Variants in TUT4 observed in about 807,000 individuals in gnomAD.
The protein encoded by TUT4 is terminal uridylyltransferase 4.
In TUT4, 36 loss-of-function variants were observed where a neutral mutation model predicts 192.2. The observed-to-expected ratio is 0.19, with a 90% confidence interval of 0.14 to 0.25. The LOEUF (loss-of-function observed/expected upper bound fraction) is 0.25. Ranked by LOEUF, TUT4 falls within the 10% of genes least tolerant of loss-of-function variation. TUT4 has a pLI of 1.00. For synonymous variants in TUT4, 618 were observed against 666.0 expected (o/e 0.93, Z 1.11); for missense variants, 1,493 against 1,957.2 (o/e 0.76, Z 4.47).
chr1:52,488,972 A>G lies in TUT4; in HGVS notation c.1452T>C (p.Thr484=). 1.9e-6 allele frequency: 3 copies of G among 1,613,908 alleles called. No homozygotes were observed. Among genetic ancestry groups the G allele is most frequent in the South Asian group, 1.1e-5 (1 of 91,056 alleles). Residue 484 remains threonine, a synonymous_variant, in exon 9 of 30, where the codon ACT becomes ACC. Transcript: ENST00000257177. ...DMACLTTDLL[T]ALGKIEPVFI... The stretch of plus-strand genomic sequence containing the variant: ...AGACAGGTTCTATTTTGCCAAGGGC[A>G]GTAAGTAAATCAGTAGTGAGACATG...
At chr1:52,425,139 A>T in intron 29 of TUT4, 1 of 446,526 alleles carries the variant, frequency 2.2e-6, no homozygotes, top group Non-Finnish European at 3.8e-6. Context: ...TTTTCTATTT[A>T]ACATGTCTGG....
Position 52,514,212 on chromosome 1 carries a change from G to A in TUT4, c.882+1679C>T, listed in dbSNP as rs943278034. ...TCACAGCACTTTGGGAGGCCAGGGT[G>A]GGTGGATCATTTGAGGTCAGGAGTT... On this transcript the variant is annotated intron_variant, in intron 3 of 29. Coordinates refer to ENST00000257177, the MANE Select transcript of TUT4 (RefSeq NM_001009881.3). Among the ~76,000 whole-genome samples, 12 of 152,170 alleles carry A rather than the reference G, an allele frequency of 7.9e-5. No homozygotes were observed. The South Asian group carries it at 1.4e-3, about 18-fold the overall frequency.
At chr1:52,471,863 C>T (rs1181582977) in intron 14 of TUT4, 89 bp downstream of exon 14, 38 of 1,392,962 alleles carry the variant, frequency 2.7e-5, no homozygotes, top group Middle Eastern at 2.6e-4. Flanking sequence ...CAAAACAAAA[C>T]GTAAACAAAC....
intron 2 of TUT4, among the ~76,000 whole-genome samples, chr1:52,516,731 G>T (rs1678812343): frequency 1.3e-5 from 2 of 152,092 alleles, no homozygotes. Context: ...CACATAAATG[G>T]CTTTTGAAGA....
chr1:52,442,873 T>C (rs1656093863), intron 24 of TUT4, among the ~76,000 whole-genome samples: 1 of 152,142 alleles, frequency 6.6e-6, no homozygotes, highest in South Asian at 2.1e-4. Flanking sequence ...GACCAAAGAT[T>C]TTGACATCTA....
chr1:52,543,736 G>A (rs969467171), intron 1 of TUT4, among the ~76,000 whole-genome samples: 7 of 151,570 alleles, frequency 4.6e-5, no homozygotes, highest in Non-Finnish European at 8.8e-5. Context: ...CACCAGCCTC[G>A]GCCTCCTAAA....
At chr1:52,509,358 G>T (rs911022184) in intron 4 of TUT4, among the ~76,000 whole-genome samples, 2 of 152,144 alleles carry the variant, frequency 1.3e-5, no homozygotes, top group African/African-American at 4.8e-5. Flanking sequence ...TGGACTAATT[G>T]TACCTAACAG....
chr1:52,428,165 A>G (rs1187058979), intron 28 of TUT4, among the ~76,000 whole-genome samples: 1 of 152,250 alleles, frequency 6.6e-6, no homozygotes, highest in African/African-American at 2.4e-5. Flanking sequence ...ACACAGTTTT[A>G]ATTTTGATTC....
rs189168438 is a variant in TUT4 at position 52,541,196 on chromosome 1, G to A, written c.-94+11735C>T. On this transcript the variant is annotated intron_variant, in intron 1 of 29. Transcript: ENST00000257177. Reference sequence around the variant, plus strand: ...TGCACTCCAGCCTGGGCCACAGAGCGAGACTCTGTCTTAAAAAAAAAAAAA... The same window carrying A: ...TGCACTCCAGCCTGGGCCACAGAGCAAGACTCTGTCTTAAAAAAAAAAAAA... 4.8e-5 allele frequency among the ~76,000 whole-genome samples: 7 copies of A among 144,980 alleles called. No individual in the cohort carries two copies. The South Asian group carries it at 6.6e-4, about 14-fold the overall frequency.
chr1:52,452,166 C>T (rs1259767982), intron 20 of TUT4, among the ~76,000 whole-genome samples: 1 of 152,064 alleles, frequency 6.6e-6, no homozygotes. Flanking sequence ...GTAAAGAAAA[C>T]TACAGACCAA....
chr1:52,495,548 T>C (rs750687881), intron 5 of TUT4, 33 bp from the exon 6 acceptor site: 2 of 1,514,442 alleles, frequency 1.3e-6, no homozygotes, highest in Non-Finnish European at 1.8e-6. Flanking sequence ...AAGCATGAAA[T>C]AGCATGCAAA....
intron 24 of TUT4, among the ~76,000 whole-genome samples, chr1:52,442,169 A>AAAAAC (rs1405400470): frequency 1.4e-5 from 2 of 148,134 alleles, no homozygotes; most frequent in Non-Finnish European, 3.0e-5. Flanking sequence ...CTCCACCTCA[A>AAAAAC]AAAAAAAAAA....
chr1:52,424,187 G>GA (rs1379681936), intron 29 of TUT4, 185 bp from the exon 30 acceptor site: 3 of 586,922 alleles, frequency 5.1e-6, no homozygotes, highest in Non-Finnish European at 8.8e-6. Context: ...ACCTGTATGT[G>GA]AAAAAAGGAG....
At chr1:52,547,637 T>A (rs189663043) in intron 1 of TUT4, among the ~76,000 whole-genome samples, 1 of 152,120 alleles carries the variant, frequency 6.6e-6, no homozygotes, top group Non-Finnish European at 1.5e-5. Flanking sequence ...GTCCATCAAA[T>A]GATGAATGGT....
chr1:52,441,348 A>ATC (rs1383789692), intron 24 of TUT4, among the ~76,000 whole-genome samples: 3 of 149,796 alleles, frequency 2.0e-5, no homozygotes, highest in Non-Finnish European at 4.4e-5. Flanking sequence ...CAGTGCTGCA[A>ATC]TCTCAGCTCA....
At chr1:52,445,124 G>T (rs1657165901) in intron 24 of TUT4, among the ~76,000 whole-genome samples, 1 of 151,368 alleles carries the variant, frequency 6.6e-6, no homozygotes. Context: ...TAATACATTT[G>T]TTCTCTTTCT....
intron 1 of TUT4, among the ~76,000 whole-genome samples, chr1:52,536,997 C>T (rs1183697322): frequency 6.6e-6 from 1 of 151,518 alleles, no homozygotes; most frequent in Non-Finnish European, 1.5e-5. Context: ...AACCCCGTCT[C>T]TACTAACAAA....
At chr1:52,489,596 A>G (rs1037035302) in intron 8 of TUT4, among the ~76,000 whole-genome samples, 3 of 152,254 alleles carry the variant, frequency 2.0e-5, no homozygotes, top group African/African-American at 7.2e-5. Flanking sequence ...AAGTGAAAAT[A>G]GCAGCAACCT....
chr1:52,504,956 C>T (rs1194713296), intron 4 of TUT4, among the ~76,000 whole-genome samples: 1 of 152,328 alleles, frequency 6.6e-6, no homozygotes, highest in East Asian at 1.9e-4. Context: ...GAATACTGTA[C>T]ATTTTGCTTA....
Sources: gnomAD v4.1 joint callset for allele counts (sites outside exome capture counted in the v4.1 genomes callset) on GRCh38, gnomAD v4.1.1 for gene constraint, MANE v1.5 for transcripts, NCBI Gene and HGNC (gene_info 2026-07-23, HGNC 2026-07-21) for gene names.